The following DHX8 variants were observed in gnomAD, a reference collection of about 807,000 sequenced individuals.
DHX8 encodes ATP-dependent RNA helicase DHX8.
Under a neutral mutation model 140.7 loss-of-function variants are expected in DHX8, and 67 were observed. The observed-to-expected ratio is 0.48, with a 90% confidence interval of 0.39 to 0.58. DHX8 has a LOEUF of 0.58. Among genes scored for constraint, DHX8 ranks in the 20% least tolerant of loss-of-function variants. The pLI is 0.00. For missense variants in DHX8, 887 were observed against 1,550.7 expected, an observed-to-expected ratio of 0.57 and a Z score of 7.19; for synonymous variants, 533 against 553.2, an observed-to-expected ratio of 0.96 and a Z score of 0.51.
intron 2 of DHX8, among the ~76,000 whole-genome samples, chr17:43,535,287 G>GTT (rs147845930): frequency 7.3e-5 from 11 of 151,612 alleles, no homozygotes; most frequent in South Asian, 2.1e-4. Flanking sequence ...TTTGGTTTTT[G>GTT]TTTTTTTTGA....
chr17:43,530,130 G>A (rs1840664213), downstream of DHX8: 1 of 1,574,326 alleles, frequency 6.4e-7, no homozygotes, highest in South Asian at 1.1e-5. Flanking sequence ...ACCTGGAGAG[G>A]GCCCAGAGAA....
intron 2 of DHX8, among the ~76,000 whole-genome samples, chr17:43,536,071 A>G (rs191997941): frequency 9.2e-5 from 14 of 152,312 alleles, no homozygotes; most frequent in African/African-American, 3.1e-4. Context: ...AGATTGTGCC[A>G]CTGCACTCCA....
In DHX8 at chr17:43,483,992, T is replaced by C; in HGVS notation, c.-46T>C. The stretch of plus-strand genomic sequence containing the variant: ...AAAGCTGGAACCCGGCCGGAGTAGC[T>C]CTGAGCGCCGGCTGTGAGGAAGGAG... On this transcript the variant is annotated 5_prime_UTR_variant, in exon 1 of 23. Transcript: ENST00000262415. 2 of 1,610,810 alleles carry C rather than the reference T, an allele frequency of 1.2e-6. No individual in the cohort carries two copies. The highest frequency in any genetic ancestry group is 1.7e-6 in the Non-Finnish European group (2 of 1,178,078).
chr17:43,494,310 C>G lies in DHX8; in HGVS notation c.1212+424C>G, dbSNP rs184250233. ...TCAAGATGAGATTTGGGTGGGGACA[C>G]AGCCAAACCATATCAGCCACTTATT... On this transcript the variant is annotated intron_variant, in intron 8 of 22. Transcript: ENST00000262415. Among the ~76,000 whole-genome samples the G allele has an allele frequency of 1.9e-3, 286 of 152,316 alleles. 1 individual carries two copies. Among genetic ancestry groups the G allele is most frequent in the African/African-American group, 6.8e-3 (281 of 41,570 alleles).
chr17:43,495,960 T>C (rs1968833985), intron 8 of DHX8, among the ~76,000 whole-genome samples: 1 of 151,946 alleles, frequency 6.6e-6, no homozygotes, highest in Admixed American at 6.6e-5. Context: ...TAGCCAGGTA[T>C]TATGGTGTGC....
At chr17:43,532,863 G>C (rs1261633209) in intron 2 of DHX8, 1 of 1,610,866 alleles carries the variant, frequency 6.2e-7, no homozygotes, top group East Asian at 2.2e-5. Context: ...TGTTGGTAGG[G>C]GGCTGGGAGG....
intron 1 of DHX8, among the ~76,000 whole-genome samples, chr17:43,488,434 A>G (rs1417217020): frequency 6.6e-6 from 1 of 151,308 alleles, no homozygotes; most frequent in Non-Finnish European, 1.5e-5. Context: ...ACATGGTGAA[A>G]CCCTGTCTCT....
chr17:43,519,856 G>A lies in DHX8; in HGVS notation c.2800-274G>A, dbSNP rs192224435. 72 of 273,900 alleles carry A rather than the reference G, an allele frequency of 2.6e-4. No individual in the cohort carries two copies. In the East Asian group the frequency reaches 5.5e-3, roughly 21 times the overall value. The allele number at this position is 273,900 out of a possible 1,614,324, so 17.0% of individuals were successfully genotyped here. A position where few individuals can be genotyped will look rare whatever the true frequency, so the allele number is the denominator to read the frequency against. On this transcript the variant is annotated intron_variant, in intron 18 of 22. Transcript: ENST00000262415. ...CTTGGGATGCTGAGGCAGAAGAATCGCTTGAACGTAGGAGGTGGAGGTTGC... is the reference window on the plus strand; with the variant it reads ...CTTGGGATGCTGAGGCAGAAGAATCACTTGAACGTAGGAGGTGGAGGTTGC...
Position 43,523,870 on chromosome 17 carries a change from T to C in DHX8, c.*23T>C, listed in dbSNP as rs745610710. 1 of 1,613,830 alleles carries C rather than the reference T, an allele frequency of 6.2e-7. No individual in the cohort carries two copies. The highest frequency in any genetic ancestry group is 1.1e-5 in the South Asian group (1 of 91,014). On this transcript the variant is annotated 3_prime_UTR_variant, in exon 23 of 23. Coordinates refer to ENST00000262415, the MANE Select transcript of DHX8 (RefSeq NM_004941.3). ...TGAAAGGCAAGATTGTTCCTTTGCC[T>C]CTCCAGCAGCAGTAGCCAGGGCTTG... is the stretch of plus-strand genomic sequence containing the variant.
chr17:43,535,366 C>T (rs1971186077), intron 2 of DHX8, among the ~76,000 whole-genome samples: 1 of 152,188 alleles, frequency 6.6e-6, no homozygotes, highest in Non-Finnish European at 1.5e-5. Flanking sequence ...CAACCTCCGC[C>T]TCCCAGGTTC....
downstream of DHX8, among the ~76,000 whole-genome samples, chr17:43,527,532 C>T (rs552042078): frequency 6.6e-6 from 1 of 152,350 alleles, no homozygotes; most frequent in East Asian, 1.9e-4. Flanking sequence ...ACCTGACCCG[C>T]CCACAGGGGC....
Position 43,522,156 on chromosome 17 carries a change from C to T in DHX8, c.3373C>T (p.Arg1125Trp), listed in dbSNP as rs780369413. The T allele has an allele frequency of 8.7e-6, 14 of 1,614,052 alleles. No individual in the cohort carries two copies. Among genetic ancestry groups the T allele is most frequent in the Admixed American group, 5.0e-5 (3 of 60,006 alleles). ...CAAGAAAGACCCGCAGGAGGGTTAC[C>T]GGACACTGATCGACCAGCAGGTGGT... The part of the protein sequence containing the change: ...AAKKDPQEGY[R>W]TLIDQQVVYI... Residue 1125 changes from arginine (R) to tryptophan (W), a missense_variant, in exon 22 of 23, where the codon CGG (arginine) becomes TGG (tryptophan). By Grantham distance (101) the Arg-to-Trp change is moderately radical. Transcript: ENST00000262415.
chr17:43,527,106 T>A (rs1970640294), downstream of DHX8, among the ~76,000 whole-genome samples: 1 of 152,148 alleles, frequency 6.6e-6, no homozygotes, highest in Non-Finnish European at 1.5e-5. Flanking sequence ...TGTTGTCACA[T>A]CTCAGTCATA....
chr17:43,528,437 A>G, downstream of DHX8: 2 of 977,690 alleles, frequency 2.0e-6, no homozygotes. Context: ...TGGGTTTCAG[A>G]TGAAGGTTTC....
At chr17:43,501,919 A>C (rs60442473) in intron 11 of DHX8, among the ~76,000 whole-genome samples, 3 of 151,962 alleles carry the variant, frequency 2.0e-5, no homozygotes, top group Non-Finnish European at 4.4e-5. Flanking sequence ...GAAGAGAGAG[A>C]ATGGTGGCTT....
Position 43,504,837 on chromosome 17 carries a change from T to C in DHX8, c.1728+12T>C. On this transcript the variant is annotated intron_variant, in intron 12 of 22. Coordinates refer to ENST00000262415, the MANE Select transcript of DHX8 (RefSeq NM_004941.3). ...AGCAATTGGTCCAGGTGAGAAGACTTTTATGATGTATTGGTGGGGAGTAGG... is the reference window on the plus strand; with the variant it reads ...AGCAATTGGTCCAGGTGAGAAGACTCTTATGATGTATTGGTGGGGAGTAGG... 1 of 1,609,334 alleles carries C rather than the reference T, an allele frequency of 6.2e-7. No homozygotes were observed. The highest frequency in any genetic ancestry group is 8.5e-7 in the Non-Finnish European group (1 of 1,177,918).
chr17:43,501,732 C>A (rs1322336972), intron 11 of DHX8, among the ~76,000 whole-genome samples: 4 of 152,082 alleles, frequency 2.6e-5, no homozygotes, highest in South Asian at 2.1e-4. Flanking sequence ...TGATCCCCCC[C>A]CCATCTCAGC....
At chr17:43,529,459 C>A (rs764934271), downstream of DHX8, 4 of 1,574,464 alleles carry the variant, frequency 2.5e-6, no homozygotes, top group Admixed American at 5.4e-5. Flanking sequence ...CACCTCCAGG[C>A]TGTAAACTTT....
In DHX8 at chr17:43,507,185, C is replaced by T; in HGVS notation, c.1911C>T (p.Cys637=). ...AKRVSEEFGC[C]LGQEVGYTIR... is the part of the protein sequence containing the mutation. ...GAGTGTCAGAGGAGTTTGGTTGTTG[C>T]TTAGGCCAAGAGGTAAGTAGATAGT... Residue 637 remains cysteine, a synonymous_variant, in exon 13 of 23, where the codon TGC becomes TGT. Coordinates refer to ENST00000262415, the MANE Select transcript of DHX8 (RefSeq NM_004941.3). 1.2e-6 allele frequency: 2 copies of T among 1,612,968 alleles called. No homozygotes were observed. Among genetic ancestry groups the T allele is most frequent in the Non-Finnish European group, 1.7e-6 (2 of 1,179,488 alleles).
Sources: allele counts gnomAD v4.1 joint callset (sites outside exome capture counted in the v4.1 genomes callset), GRCh38; gene constraint gnomAD v4.1.1; transcripts MANE v1.5; gene names NCBI Gene and HGNC (gene_info 2026-07-23, HGNC 2026-07-21).